Variants in VCPKMT observed in about 807,000 individuals in gnomAD.
The protein encoded by VCPKMT is protein N-lysine methyltransferase METTL21D.
A neutral mutation model predicts 28.6 loss-of-function variants in VCPKMT; 32 were observed. The observed-to-expected ratio is 1.12, with a 90% CI of 0.84 to 1.50. The LOEUF is 1.50. Among genes scored for constraint, VCPKMT ranks in the 40% most tolerant of loss-of-function variants. The pLI, the probability that VCPKMT is intolerant of heterozygous loss-of-function variation, is 0.00. For missense variants in VCPKMT, 366 were observed against 285.0 expected (o/e 1.28, Z -2.05); for synonymous variants, 138 against 111.4 (o/e 1.24, Z -1.50).
chr14:50,111,963 T>C, intron 5 of VCPKMT: 1 of 985,348 alleles, frequency 1.0e-6, no homozygotes, highest in South Asian at 4.7e-5. Context: ...TGAGGCAACC[T>C]GCATAAAATG....
downstream of VCPKMT, chr14:50,106,647 A>G: frequency 1.0e-6 from 1 of 985,200 alleles, no homozygotes; most frequent in Non-Finnish European, 1.2e-6. Context: ...AAATCCAGCC[A>G]GAAAGAGAAA....
chr14:50,105,625 C>T (rs7160289), downstream of VCPKMT, among the ~76,000 whole-genome samples: 136,388 of 152,272 alleles, frequency 0.9, 61,256 homozygotes, highest in African/African-American at 0.95. Context: ...AGTGAGAGTC[C>T]GTCTCGAAAC....
chr14:50,109,322 G>A lies in VCPKMT; in HGVS notation c.*377C>T. The A allele has an allele frequency of 2.0e-6, 2 of 1,013,956 alleles. No homozygotes were observed. The highest frequency in any genetic ancestry group is 2.4e-6 in the Non-Finnish European group (2 of 849,410). The allele number at this position is 1,013,956 out of a possible 1,614,324, so 62.8% of individuals were successfully genotyped here. ...TTTAAAACATTATTATATAATAGCA[G>A]ATAGTTCTCTTCAGAAATTTATCTC... On this transcript the variant is annotated 3_prime_UTR_variant, in exon 6 of 6. Coordinates refer to ENST00000395860, the MANE Select transcript of VCPKMT (RefSeq NM_024558.3).
downstream of VCPKMT, among the ~76,000 whole-genome samples, chr14:50,107,628 A>G (rs1261420783): frequency 1.3e-5 from 2 of 152,174 alleles, no homozygotes; most frequent in African/African-American, 2.4e-5. Flanking sequence ...AATTTCCTCT[A>G]CAGTCAGTAC....
downstream of VCPKMT, chr14:50,106,634 C>A (rs1882331054): frequency 1.0e-6 from 1 of 985,298 alleles, no homozygotes; most frequent in Non-Finnish European, 1.2e-6. Context: ...GGTGGGTAAA[C>A]ACAAATCCAG....
At chr14:50,115,793 A>T (rs1883122725) in intron 3 of VCPKMT, 46 bp downstream of exon 3, 1 of 1,558,012 alleles carries the variant, frequency 6.4e-7, no homozygotes, top group African/African-American at 1.4e-5. Context: ...TTCATGGAAT[A>T]AGGTTCATCT....
chr14:50,116,538 C>T lies in VCPKMT; in HGVS notation c.15G>A (p.Leu5=), dbSNP rs1331206870. MADT[L]ESSLEDPLRS... is the part of the protein sequence containing the mutation. ...GCAGTGGGTCCTCCAGCGAGGACTC[C>T]AGCGTATCCGCCATTGCGCCCGGCA... is the stretch of plus-strand genomic sequence containing the variant. Residue 5 remains leucine (L), a synonymous_variant, in exon 1 of 6, where the codon CTG becomes CTA. Transcript: ENST00000395860. 4.3e-6 allele frequency: 7 copies of T among 1,610,262 alleles called. No homozygotes were observed. The highest frequency in any genetic ancestry group is 5.9e-6 in the Non-Finnish European group (7 of 1,178,054).
chr14:50,111,167 GTTT>G (rs55665344), intron 5 of VCPKMT: 3 of 816,184 alleles, frequency 3.7e-6, no homozygotes, highest in Non-Finnish European at 4.4e-6. Context: ...AAAAATAAGA[GTTT>G]TTTTTTTTGG....
chr14:50,110,107 C>T (rs148216034), intron 5 of VCPKMT, among the ~76,000 whole-genome samples: 7 of 152,150 alleles, frequency 4.6e-5, no homozygotes, highest in African/African-American at 7.2e-5. Flanking sequence ...ATTAGCTGGG[C>T]GTCGTGGCAC....
chr14:50,108,584 T>C, downstream of VCPKMT: 4 of 985,352 alleles, frequency 4.1e-6, no homozygotes, highest in South Asian at 1.4e-4. Context: ...TCCTGTTAAC[T>C]GTTTAGATGT....
downstream of VCPKMT, chr14:50,108,557 A>C: frequency 2.1e-6 from 2 of 956,432 alleles, no homozygotes; most frequent in South Asian, 9.7e-5. Context: ...AATGTCTCTA[A>C]ATAGGGCTGC....
intron 4 of VCPKMT, 46 bp downstream of exon 4, chr14:50,114,239 C>T (rs780413466): frequency 1.2e-5 from 18 of 1,444,866 alleles, no homozygotes; most frequent in Non-Finnish European, 1.6e-5. Context: ...ATACAGCCCC[C>T]CTGAAGGGAA....
intron 5 of VCPKMT, 115 bp downstream of exon 5, chr14:50,112,500 T>C: frequency 1.8e-6 from 1 of 561,360 alleles, no homozygotes. Flanking sequence ...GTCCAGTGAA[T>C]CATTAGAGCT....
At chr14:50,103,490 CA>C in the VCPKMT span, among the ~76,000 whole-genome samples, 1 of 152,104 alleles carries the variant, frequency 6.6e-6, no homozygotes, top group Non-Finnish European at 1.5e-5. Context: ...TCAGGTTTAG[CA>C]AAGAACCGTG....
At chr14:50,111,844 G>A in intron 5 of VCPKMT, 2 of 908,976 alleles carry the variant, frequency 2.2e-6, no homozygotes, top group South Asian at 5.0e-5. Flanking sequence ...AGCCGAGATT[G>A]CACCACTGTA....
chr14:50,107,319 CTTTT>C (rs772286873), downstream of VCPKMT, among the ~76,000 whole-genome samples: 1 of 145,780 alleles, frequency 6.9e-6, no homozygotes, highest in African/African-American at 2.5e-5. Flanking sequence ...TCCTATTTGA[CTTTT>C]TTTTTTTTTG....
At position 50,116,543 on chromosome 14, in the gene VCPKMT, T is replaced by A; in HGVS notation, c.10A>T (p.Thr4Ser). The change falls in exon 1 of 6, where the codon ACG (threonine) becomes TCG (serine). Residue 4 changes from threonine (T) to serine (S), a missense_variant. By Grantham distance (58) the Thr-to-Ser change is moderately conservative. Transcript: ENST00000395860. ...GGGTCCTCCAGCGAGGACTCCAGCG[T>A]ATCCGCCATTGCGCCCGGCAACAGA... is the stretch of plus-strand genomic sequence containing the variant. Reference protein sequence around the residue: MADTLESSLEDPLR... With the variant: MADSLESSLEDPLR... 1 of 1,606,644 alleles carries A rather than the reference T, an allele frequency of 6.2e-7. No homozygotes were observed. Among genetic ancestry groups the A allele is most frequent in the Non-Finnish European group, 8.5e-7 (1 of 1,175,334 alleles).
chr14:50,106,719 T>C (rs1013190365), downstream of VCPKMT: 6 of 893,688 alleles, frequency 6.7e-6, no homozygotes, highest in Admixed American at 2.5e-4. Flanking sequence ...GCCTTCCTCC[T>C]GCGGTTTTGT....
intron 3 of VCPKMT, among the ~76,000 whole-genome samples, chr14:50,114,692 A>G (rs1392817338): frequency 6.6e-6 from 1 of 152,192 alleles, no homozygotes; most frequent in Non-Finnish European, 1.5e-5. Context: ...CCTTACAAAA[A>G]ATTTAAAAAT....
Sources: allele counts gnomAD v4.1 joint callset (sites outside exome capture counted in the v4.1 genomes callset), GRCh38; gene constraint gnomAD v4.1.1; transcripts MANE v1.5; gene names NCBI Gene and HGNC (gene_info 2026-07-23, HGNC 2026-07-21).